TJP1: variants seen among roughly 807,000 people sequenced by gnomAD.
The protein encoded by TJP1 is tight junction protein ZO-1.
A neutral mutation model predicts 194.2 loss-of-function variants in TJP1; 43 were observed. The ratio of observed to expected loss-of-function variants is 0.22; its 90% CI spans 0.17 to 0.29. The LOEUF is 0.29. Ranked by LOEUF, TJP1 falls within the 10% of genes least tolerant of loss-of-function variation. The pLI is 1.00. For synonymous variants in TJP1, 801 were observed against 779.0 expected (o/e 1.03, Z -0.47); for missense variants, 1,971 against 2,185.7 (o/e 0.90, Z 1.96).
chr15:29,850,140 C>T lies in TJP1; in HGVS notation c.307-49438G>A, dbSNP rs1039262291. Among the ~76,000 whole-genome samples the T allele has an allele frequency of 3.3e-5, 5 of 152,258 alleles. No individual in the cohort carries two copies. In the South Asian group the frequency reaches 1.0e-3, roughly 32 times the overall value. ...TTGGATGGACCCTGGATCTAAACCT[C>T]ACACCTTATACAAAAATTAACTCAA... On this transcript the variant is annotated intron_variant, in intron 2 of 28. Coordinates refer to the TJP1 transcript ENST00000356107.
chr15:29,818,609 T>C (rs2050098818), intron 1 of TJP1, among the ~76,000 whole-genome samples: 1 of 148,994 alleles, frequency 6.7e-6, no homozygotes, highest in East Asian at 2.0e-4. Context: ...GGTTCAAGCG[T>C]TTCTCCTGCC....
chr15:29,949,222 TTTCACCACCACTACCTCCACC>T (rs2055416835), intron 2 of TJP1, among the ~76,000 whole-genome samples: 1 of 30,056 alleles, frequency 3.3e-5, no homozygotes, highest in Non-Finnish European at 6.1e-5. Context: ...CCACCTCCAC[TTTCACCACCACTACCTCCACC>T]TTCACCACCA....
At chr15:29,769,921 G>A (rs1208611653) in intron 4 of TJP1, among the ~76,000 whole-genome samples, 1 of 151,114 alleles carries the variant, frequency 6.6e-6, no homozygotes, top group African/African-American at 2.4e-5. Flanking sequence ...TTTTCTACAT[G>A]TTAACTGAGA....
intron 8 of TJP1, among the ~76,000 whole-genome samples, chr15:29,749,366 C>T (rs1016222265): frequency 6.6e-6 from 1 of 152,050 alleles, no homozygotes; most frequent in East Asian, 1.9e-4. Flanking sequence ...CCAGTGTAGC[C>T]GATTAATACA....
intron 6 of TJP1, 24 bp from the exon 7 acceptor site, chr15:29,761,793 C>T: frequency 6.6e-7 from 1 of 1,504,366 alleles, no homozygotes; most frequent in Non-Finnish European, 9.0e-7. Context: ...TAAATTACAG[C>T]TTGAAAGTAA....
At chr15:29,811,594 G>C (rs1220629914) in intron 1 of TJP1, among the ~76,000 whole-genome samples, 1 of 152,184 alleles carries the variant, frequency 6.6e-6, no homozygotes, top group Non-Finnish European at 1.5e-5. Flanking sequence ...CCTGGATTTG[G>C]AATAGTCTTT....
At chr15:29,821,888 C>T (rs1213229257) in intron 1 of TJP1, 114 bp downstream of exon 1, 10 of 1,004,966 alleles carry the variant, frequency 1.0e-5, no homozygotes, top group Non-Finnish European at 1.2e-5. Flanking sequence ...CCCACCCCGC[C>T]GCCCCGGGGC....
At chr15:29,756,967 C>T (rs879917093) in intron 8 of TJP1, among the ~76,000 whole-genome samples, 3 of 152,162 alleles carry the variant, frequency 2.0e-5, no homozygotes, top group Non-Finnish European at 4.4e-5. Context: ...ATTATTACTA[C>T]TATGAATCAC....
intron 2 of TJP1, among the ~76,000 whole-genome samples, chr15:29,835,107 T>C (rs992290226): frequency 1.3e-5 from 2 of 152,330 alleles, no homozygotes; most frequent in East Asian, 1.9e-4. Flanking sequence ...AGATCCTTTA[T>C]AGCTATAACT....
chr15:29,848,321 T>C (rs1369070527), intron 2 of TJP1, among the ~76,000 whole-genome samples: 3 of 152,236 alleles, frequency 2.0e-5, no homozygotes, highest in Non-Finnish European at 4.4e-5. Context: ...TCCTCAACTA[T>C]AATTGTGGGC....
intron 5 of TJP1, among the ~76,000 whole-genome samples, chr15:29,765,085 T>C (rs1031499566): frequency 6.6e-6 from 1 of 152,094 alleles, no homozygotes; most frequent in African/African-American, 2.4e-5. Context: ...GATACAGTAC[T>C]ACCAAAGAAG....
chr15:29,761,944 C>T (rs193167179), intron 6 of TJP1, among the ~76,000 whole-genome samples, 175 bp from the exon 7 acceptor site: 59 of 152,308 alleles, frequency 3.9e-4, no homozygotes, highest in Admixed American at 3.9e-3. Flanking sequence ...AAAATCTTTA[C>T]TGTACTGTTG....
intron 2 of TJP1, among the ~76,000 whole-genome samples, chr15:29,864,542 A>G (rs1316760104): frequency 2.0e-5 from 3 of 152,120 alleles, no homozygotes; most frequent in African/African-American, 7.2e-5. Flanking sequence ...ACTGTTATCT[A>G]TTAGCTCTTT....
At chr15:29,818,845 C>A (rs998263891) in intron 1 of TJP1, among the ~76,000 whole-genome samples, 1 of 151,794 alleles carries the variant, frequency 6.6e-6, no homozygotes. Flanking sequence ...GAGACGGAAG[C>A]TCACTTTGTC....
At chr15:29,833,799 T>C (rs2050911006) in intron 2 of TJP1, among the ~76,000 whole-genome samples, 1 of 144,098 alleles carries the variant, frequency 6.9e-6, no homozygotes, top group Non-Finnish European at 1.5e-5. Context: ...CACATTTACA[T>C]GCTAATTTAT....
At position 29,762,389 on chromosome 15, in the gene TJP1, T is replaced by C; in HGVS notation, c.639A>G (p.Gln213=). 1.9e-6 allele frequency: 3 copies of C among 1,613,790 alleles called. No homozygotes were observed. The highest frequency in any genetic ancestry group is 2.5e-6 in the Non-Finnish European group (3 of 1,179,954). Residue 213 remains glutamine (Q), a synonymous_variant, in exon 6 of 28, where the codon CAA becomes CAG. Coordinates refer to ENST00000614355, the MANE Select transcript of TJP1 (RefSeq NM_001330239.4). ...ASHIFVKEIS[Q]DSLAARDGNI... is the part of the protein sequence containing the mutation. ...TGCCATCTCTTGCTGCCAAACTATCTTGTGAAATTTCCTTAACAAATATAT... is the reference window on the plus strand; with the variant it reads ...TGCCATCTCTTGCTGCCAAACTATCCTGTGAAATTTCCTTAACAAATATAT...
intron 2 of TJP1, among the ~76,000 whole-genome samples, chr15:29,903,962 G>A (rs2053720472): frequency 6.6e-6 from 1 of 152,160 alleles, no homozygotes; most frequent in African/African-American, 2.4e-5. Flanking sequence ...GCAGAATTGA[G>A]AAGCACAAGT....
intron 24 of TJP1, among the ~76,000 whole-genome samples, chr15:29,709,529 A>T (rs2042111898): frequency 6.6e-6 from 1 of 152,224 alleles, no homozygotes; most frequent in African/African-American, 2.4e-5. Flanking sequence ...TCTGTGAAAT[A>T]ATTAAGGACA....
At chr15:29,709,585 T>C (rs1352108811) in intron 24 of TJP1, among the ~76,000 whole-genome samples, 1 of 152,178 alleles carries the variant, frequency 6.6e-6, no homozygotes, top group African/African-American at 2.4e-5. Flanking sequence ...ATGAATATAG[T>C]AATATAATTT....
Sources: allele counts gnomAD v4.1 joint callset (sites outside exome capture counted in the v4.1 genomes callset), GRCh38; gene constraint gnomAD v4.1.1; transcripts MANE v1.5; gene names NCBI Gene and HGNC (gene_info 2026-07-23, HGNC 2026-07-21).